The following MAGI1 variants were observed in gnomAD, a reference collection of about 807,000 sequenced individuals.
MAGI1 encodes the protein membrane-associated guanylate kinase, WW and PDZ domain-containing protein 1.
A neutral mutation model predicts 139.9 loss-of-function variants in MAGI1; 58 were observed. The observed-to-expected ratio is 0.41, with a 90% CI of 0.34 to 0.52. The LOEUF is 0.52. MAGI1 is among the 20% of genes least tolerant of loss of function. The probability of loss-of-function intolerance (pLI) is 0.12; values close to 1 mark genes in which losing one functional copy is unlikely to be tolerated. For synonymous variants in MAGI1, 812 were observed against 737.9 expected (o/e 1.10, Z -1.63); for missense variants, 1,874 against 1,901.6 (o/e 0.99, Z 0.27).
chr3:65,582,118 G>A (rs1482689179), intron 2 of MAGI1, among the ~76,000 whole-genome samples: 2 of 152,204 alleles, frequency 1.3e-5, no homozygotes, highest in Non-Finnish European at 2.9e-5. Context: ...TTCCAAGTGA[G>A]TGTTTTAGAC....
intron 13 of MAGI1, among the ~76,000 whole-genome samples, chr3:65,395,110 A>C (rs1944277889): frequency 6.6e-6 from 1 of 152,160 alleles, no homozygotes; most frequent in South Asian, 2.1e-4. Context: ...AGATTTATTC[A>C]CTTAACCCAA....
intron 1 of MAGI1, among the ~76,000 whole-genome samples, chr3:66,013,760 CA>C (rs372862676): frequency 0.075 from 6,097 of 81,438 alleles, 130 homozygotes; most frequent in South Asian, 0.11. Flanking sequence ...GACTCTGTCT[CA>C]AAAAAAAAAA....
chr3:65,842,525 C>G (rs1313709343), intron 1 of MAGI1, among the ~76,000 whole-genome samples: 3 of 152,094 alleles, frequency 2.0e-5, no homozygotes, highest in Admixed American at 6.5e-5. Flanking sequence ...CCACGCTGGG[C>G]TAATTTTGTA....
chr3:65,379,614 C>T, intron 16 of MAGI1, 60 bp from the exon 17 acceptor site: 1 of 1,550,898 alleles, frequency 6.4e-7, no homozygotes, highest in South Asian at 1.2e-5. Context: ...ATCCTGCTGC[C>T]CCTCCCTCCT....
intron 9 of MAGI1, 100 bp downstream of exon 9, chr3:65,439,779 T>G: frequency 6.3e-7 from 1 of 1,578,916 alleles, no homozygotes; most frequent in Non-Finnish European, 8.6e-7. Flanking sequence ...AAGAGAGGAC[T>G]CAATCATCGA....
chr3:65,742,730 T>G (rs1342658654), intron 1 of MAGI1, among the ~76,000 whole-genome samples: 1 of 152,220 alleles, frequency 6.6e-6, no homozygotes, highest in Non-Finnish European at 1.5e-5. Context: ...TGAACTGTCC[T>G]AAGACTCATA....
In MAGI1 at chr3:65,876,303, A is replaced by G. The variant is rs575001179; in HGVS notation, c.313+161693T>C. On this transcript the variant is annotated intron_variant, in intron 1 of 22. Coordinates refer to ENST00000402939, the MANE Select transcript of MAGI1 (RefSeq NM_001033057.2). ...CGCCTGTGAACAGCCACTGCACTCC[A>G]GCCTGGGCAATATGGTAAGAATCCA... Among the ~76,000 whole-genome samples, 4 of 152,142 alleles carry G rather than the reference A, an allele frequency of 2.6e-5. No individual in the cohort carries two copies. The East Asian group carries it at 7.8e-4, about 30-fold the overall frequency.
chr3:65,877,729 T>C (rs2060171130), intron 1 of MAGI1, among the ~76,000 whole-genome samples: 2 of 152,294 alleles, frequency 1.3e-5, no homozygotes, highest in South Asian at 4.1e-4. Flanking sequence ...CTAATTTTTG[T>C]ATTTTTGTAG....
At chr3:66,030,852 G>A (rs2068551334) in intron 1 of MAGI1, among the ~76,000 whole-genome samples, 1 of 152,130 alleles carries the variant, frequency 6.6e-6, no homozygotes, top group Admixed American at 6.5e-5. Context: ...AAAAAGAGAA[G>A]ATTTCTATTT....
chr3:65,566,476 TAGTTACATGTAA>T (rs1193446204), intron 2 of MAGI1, among the ~76,000 whole-genome samples: 5 of 151,874 alleles, frequency 3.3e-5, no homozygotes, highest in Non-Finnish European at 1.5e-5. Context: ...ATCTCTGTGA[TAGTTACATGTAA>T]ATGGCAGCAA....
At chr3:65,843,967 G>A in intron 1 of MAGI1, 1 of 211,680 alleles carries the variant, frequency 4.7e-6, no homozygotes, top group Non-Finnish European at 9.5e-6. Context: ...CATTTTCACT[G>A]CAAGAACACC....
intron 1 of MAGI1, among the ~76,000 whole-genome samples, chr3:65,905,828 C>A (rs1033344836): frequency 1.3e-5 from 2 of 152,306 alleles, no homozygotes; most frequent in Non-Finnish European, 2.9e-5. Context: ...TTATACTACA[C>A]AGTAGTAAAT....
chr3:65,945,002 A>G (rs1012896033), intron 1 of MAGI1, among the ~76,000 whole-genome samples: 2 of 152,228 alleles, frequency 1.3e-5, no homozygotes, highest in Non-Finnish European at 2.9e-5. Flanking sequence ...GACGGGAACC[A>G]AATTCATCCA....
intron 2 of MAGI1, among the ~76,000 whole-genome samples, chr3:65,561,124 C>T (rs2080326885): frequency 6.6e-6 from 1 of 152,118 alleles, no homozygotes; most frequent in Non-Finnish European, 1.5e-5. Flanking sequence ...CTTTGTACCT[C>T]CAGGTAGAAA....
intron 1 of MAGI1, among the ~76,000 whole-genome samples, chr3:65,753,199 G>A (rs1413825537): frequency 6.6e-6 from 1 of 152,096 alleles, no homozygotes; most frequent in Non-Finnish European, 1.5e-5. Context: ...GAGTGCCCGA[G>A]AACCACAGGG....
intron 1 of MAGI1, among the ~76,000 whole-genome samples, chr3:65,894,687 A>G (rs978428685): frequency 1.8e-4 from 27 of 152,228 alleles, no homozygotes; most frequent in Non-Finnish European, 3.4e-4. Context: ...AAACCATCCA[A>G]TTAAGTCTAA....
intron 1 of MAGI1, among the ~76,000 whole-genome samples, chr3:65,918,044 A>G (rs967204182): frequency 6.6e-6 from 1 of 152,174 alleles, no homozygotes; most frequent in Non-Finnish European, 1.5e-5. Context: ...TACATAGGAA[A>G]TCTTTGTACC....
At chr3:65,611,180 A>G (rs1053175198) in intron 2 of MAGI1, among the ~76,000 whole-genome samples, 20 of 141,430 alleles carry the variant, frequency 1.4e-4, no homozygotes, top group Non-Finnish European at 2.9e-4. Flanking sequence ...TGCTGTATAT[A>G]CACATATGGT....
chr3:65,594,809 T>C (rs1576424473), intron 2 of MAGI1, among the ~76,000 whole-genome samples: 1 of 152,190 alleles, frequency 6.6e-6, no homozygotes, highest in African/African-American at 2.4e-5. Flanking sequence ...TGTCTTTTGA[T>C]TTAGCTTTTT....
Sources: gnomAD v4.1 joint callset for allele counts (sites outside exome capture counted in the v4.1 genomes callset) on GRCh38, gnomAD v4.1.1 for gene constraint, MANE v1.5 for transcripts, NCBI Gene and HGNC (gene_info 2026-07-23, HGNC 2026-07-21) for gene names.